The following ZFHX3 variants were observed in gnomAD, a reference collection of about 807,000 sequenced individuals.
ZFHX3 encodes zinc finger homeobox 3.
Under a neutral mutation model 279.1 loss-of-function variants are expected in ZFHX3, and 42 were observed. The ratio of observed to expected loss-of-function variants is 0.15; its 90% CI spans 0.12 to 0.19. The LOEUF is 0.19. Among genes scored for constraint, ZFHX3 ranks in the 10% least tolerant of loss-of-function variants. The pLI, the probability that ZFHX3 is intolerant of heterozygous loss-of-function variation, is 1.00. For missense variants in ZFHX3, 4,981 were observed against 4,754.0 expected (o/e 1.05, Z -1.40); for synonymous variants, 2,293 against 1,957.8 (o/e 1.17, Z -4.52).
chr16:73,549,935 G>A (rs1236165381), intron 2 of ZFHX3, among the ~76,000 whole-genome samples: 1 of 151,594 alleles, frequency 6.6e-6, no homozygotes, highest in Non-Finnish European at 1.5e-5. Flanking sequence ...TAGACAAACT[G>A]GGTGGGTCTC....
chr16:72,931,566 TA>T (rs35230717), intron 3 of ZFHX3, among the ~76,000 whole-genome samples: 28,555 of 130,980 alleles, frequency 0.22, 2,860 homozygotes, highest in Middle Eastern at 0.24. Flanking sequence ...ATGCACCATT[TA>T]AAAAAAAAAA....
At chr16:73,777,786 A>G (rs1287093842) in intron 1 of ZFHX3, among the ~76,000 whole-genome samples, 1 of 152,182 alleles carries the variant, frequency 6.6e-6, no homozygotes, top group Non-Finnish European at 1.5e-5. Flanking sequence ...GCATGTAAGG[A>G]AAGTGAGGCT....
intron 2 of ZFHX3, among the ~76,000 whole-genome samples, chr16:73,592,738 A>G (rs947285868): frequency 1.8e-5 from 2 of 110,404 alleles, no homozygotes; most frequent in African/African-American, 2.5e-5. Flanking sequence ...TCATAATAAA[A>G]AGGTTTTTTT....
intron 3 of ZFHX3, among the ~76,000 whole-genome samples, chr16:73,373,816 T>A (rs904121258): frequency 6.6e-6 from 1 of 152,222 alleles, no homozygotes; most frequent in Non-Finnish European, 1.5e-5. Context: ...TACAAGAAAG[T>A]GTAGCTGGAA....
intron 1 of ZFHX3, among the ~76,000 whole-genome samples, chr16:73,035,312 C>T (rs1267021308): frequency 6.6e-6 from 1 of 152,142 alleles, no homozygotes; most frequent in Non-Finnish European, 1.5e-5. Flanking sequence ...TCTAAAATTA[C>T]CTACGTGGCT....
Position 73,535,619 on chromosome 16 carries a change from A to G in ZFHX3, c.-1546-79361T>C, listed in dbSNP as rs143576854. Among the ~76,000 whole-genome samples the G allele has an allele frequency of 4.6e-3, 697 of 152,318 alleles. 3 individuals carry two copies. Among genetic ancestry groups the G allele is most frequent in the Non-Finnish European group, 7.7e-3 (525 of 68,026 alleles). On this transcript the variant is annotated intron_variant, in intron 2 of 17. Transcript: ENST00000641206. ...TAATGATCTGCAAAGAGAAGCAGCA[A>G]TAAGAGACCAAGAAAAAATTCTGCC...
intron 2 of ZFHX3, among the ~76,000 whole-genome samples, chr16:73,612,507 C>T (rs1310668680): frequency 1.3e-5 from 2 of 152,110 alleles, no homozygotes; most frequent in African/African-American, 2.4e-5. Flanking sequence ...TTTCCAGTTT[C>T]AAATAATAAA....
At chr16:73,772,322 C>T (rs955365758) in intron 1 of ZFHX3, among the ~76,000 whole-genome samples, 3 of 152,226 alleles carry the variant, frequency 2.0e-5, no homozygotes, top group Admixed American at 6.5e-5. Flanking sequence ...GAGCAAGTCA[C>T]ATCTTACGTG....
chr16:73,610,608 A>C (rs534414546), intron 2 of ZFHX3, among the ~76,000 whole-genome samples: 2 of 152,366 alleles, frequency 1.3e-5, no homozygotes, highest in East Asian at 3.9e-4. Flanking sequence ...CACTGAATTT[A>C]CAAAATTATC....
chr16:73,851,551 T>C (rs1042545399), intron 1 of ZFHX3, among the ~76,000 whole-genome samples: 2 of 152,188 alleles, frequency 1.3e-5, no homozygotes, highest in African/African-American at 4.8e-5. Context: ...GGTGGGACAT[T>C]AAGTAAACTC....
At chr16:73,770,082 G>A (rs1370184716) in intron 1 of ZFHX3, among the ~76,000 whole-genome samples, 1 of 152,226 alleles carries the variant, frequency 6.6e-6, no homozygotes, top group Non-Finnish European at 1.5e-5. Flanking sequence ...CATGGCAAAG[G>A]AGAATTAAGG....
chr16:73,564,778 G>T (rs1474386110), intron 2 of ZFHX3, among the ~76,000 whole-genome samples: 1 of 152,136 alleles, frequency 6.6e-6, no homozygotes, highest in East Asian at 1.9e-4. Context: ...GTCTGCTCAG[G>T]TTATAAAAAT....
chr16:73,805,007 T>A lies in ZFHX3; in HGVS notation c.-1608+86644A>T, dbSNP rs1438623407. 2.0e-5 allele frequency among the ~76,000 whole-genome samples: 3 copies of A among 149,666 alleles called. No homozygotes were observed. In the South Asian group the frequency reaches 6.3e-4, roughly 31 times the overall value. ...GAGACTCATATATTTATTATATGAC[T>A]ATTTATGGCTTCAATTCTTAAGCGA... On this transcript the variant is annotated intron_variant, in intron 1 of 17. Coordinates refer to the ZFHX3 transcript ENST00000641206.
chr16:73,350,172 A>G lies in ZFHX3; in HGVS notation c.-1290-31836T>C, dbSNP rs148342555. On this transcript the variant is annotated intron_variant, in intron 3 of 17. Coordinates refer to the ZFHX3 transcript ENST00000641206. ...TTATAATGGACCTATAGCAAGCTGC[A>G]CTGAAATCACATCTGATTTATTCAA... 4.7e-3 allele frequency among the ~76,000 whole-genome samples: 711 copies of G among 152,204 alleles called. 5 individuals are homozygous for G. The highest frequency in any genetic ancestry group is 0.016 in the African/African-American group (676 of 41,544).
intron 1 of ZFHX3, among the ~76,000 whole-genome samples, chr16:73,016,923 T>TG (rs1964120764): frequency 6.9e-6 from 1 of 145,728 alleles, no homozygotes; most frequent in African/African-American, 2.6e-5. Flanking sequence ...AATGCACCTT[T>TG]GAAAAAAAAA....
At chr16:73,710,444 C>T (rs545815765) in intron 1 of ZFHX3, among the ~76,000 whole-genome samples, 5 of 152,176 alleles carry the variant, frequency 3.3e-5, no homozygotes, top group Non-Finnish European at 5.9e-5. Context: ...TCTATTCTTT[C>T]GCACCCGTAA....
At chr16:73,424,905 C>T (rs1315324759) in intron 3 of ZFHX3, among the ~76,000 whole-genome samples, 1 of 152,060 alleles carries the variant, frequency 6.6e-6, no homozygotes, top group Admixed American at 6.5e-5. Flanking sequence ...ATCTCCCTTT[C>T]CTGAAATTGT....
chr16:73,679,814 A>T (rs1443644320), intron 2 of ZFHX3: 1 of 152,144 alleles, frequency 6.6e-6, no homozygotes, highest in Non-Finnish European at 1.5e-5. Context: ...AAAGCTCATG[A>T]CTTACACAGC....
At chr16:73,206,251 C>A (rs371827957) in intron 5 of ZFHX3, among the ~76,000 whole-genome samples, 41 of 152,246 alleles carry the variant, frequency 2.7e-4, no homozygotes, top group African/African-American at 9.9e-4. Flanking sequence ...ATTAGGCCAC[C>A]AGAAAATACA....
Sources: gnomAD v4.1 joint callset for allele counts (sites outside exome capture counted in the v4.1 genomes callset) on GRCh38, gnomAD v4.1.1 for gene constraint, MANE v1.5 for transcripts, NCBI Gene and HGNC (gene_info 2026-07-23, HGNC 2026-07-21) for gene names.